The following DUSP16 variants were observed in gnomAD, a reference collection of about 807,000 sequenced individuals.
The protein encoded by DUSP16 is dual specificity phosphatase 16.
DUSP16 carries 21 observed loss-of-function variants against 58.3 expected under a neutral mutation model. The observed-to-expected ratio is 0.36, with a 90% confidence interval of 0.26 to 0.52. The LOEUF (loss-of-function observed/expected upper bound fraction) is 0.52, where lower values mean the gene tolerates loss of function less well. Among genes scored for constraint, DUSP16 ranks in the 20% least tolerant of loss-of-function variants. DUSP16 has a pLI of 0.94. For missense variants in DUSP16, 726 were observed against 819.0 expected (o/e 0.89, Z 1.39); for synonymous variants, 320 against 323.8 (o/e 0.99, Z 0.12).
chr12:12,533,151 G>A (rs982428894), intron 1 of DUSP16, among the ~76,000 whole-genome samples: 1 of 152,056 alleles, frequency 6.6e-6, no homozygotes, highest in South Asian at 2.1e-4. Flanking sequence ...GTCAGTTAGG[G>A]TATGACTCTT....
At chr12:12,522,029 A>G (rs560030649) in intron 1 of DUSP16, among the ~76,000 whole-genome samples, 3 of 152,338 alleles carry the variant, frequency 2.0e-5, no homozygotes, top group African/African-American at 7.2e-5. Flanking sequence ...AATTGCCCTC[A>G]CGGAGGAGAG....
chr12:12,541,710 TA>T (rs1422762671), intron 1 of DUSP16, among the ~76,000 whole-genome samples: 7 of 152,160 alleles, frequency 4.6e-5, no homozygotes, highest in Non-Finnish European at 1.0e-4. Flanking sequence ...TAGAGAGAAA[TA>T]ACTGTGAAAA....
chr12:12,476,746 G>GTACA lies in DUSP16; in HGVS notation c.*83_*86dup. On this transcript the variant is annotated 3_prime_UTR_variant, in exon 7 of 7. Transcript: ENST00000298573. ...CCATTTTCCAAAAATATATATGTAT[G>GTACA]TACATATATATATTTCAGATTTACA... 3 of 1,248,100 alleles carry GTACA rather than the reference G, an allele frequency of 2.4e-6. No individual in the cohort carries two copies. The highest frequency in any genetic ancestry group is 1.5e-5 in the African/African-American group (1 of 66,082). 77.3% of individuals were successfully genotyped at this position (1,248,100 alleles called of 1,614,324 possible).
At chr12:12,546,333 G>A (rs1592209215) in intron 1 of DUSP16, among the ~76,000 whole-genome samples, 1 of 152,252 alleles carries the variant, frequency 6.6e-6, no homozygotes, top group Middle Eastern at 3.4e-3. Context: ...GTGATAAGTA[G>A]CCCCAAAGGG....
At chr12:12,554,347 C>T (rs1410185659) in intron 1 of DUSP16, among the ~76,000 whole-genome samples, 6 of 152,038 alleles carry the variant, frequency 3.9e-5, no homozygotes, top group South Asian at 2.1e-4. Context: ...TGACCTCAAG[C>T]GATCCTCCCA....
intron 5 of DUSP16, among the ~76,000 whole-genome samples, chr12:12,483,715 G>T (rs1263560817): frequency 6.6e-6 from 1 of 152,034 alleles, no homozygotes; most frequent in Non-Finnish European, 1.5e-5. Flanking sequence ...GGGTTTGGGG[G>T]CACCTCATGA....
intron 3 of DUSP16, among the ~76,000 whole-genome samples, chr12:12,510,614 G>C (rs1944063345): frequency 6.6e-6 from 1 of 152,206 alleles, no homozygotes; most frequent in Non-Finnish European, 1.5e-5. Context: ...CTATGAGTTT[G>C]ACATAGCGCT....
intron 6 of DUSP16, 130 bp from the exon 7 acceptor site, chr12:12,478,145 A>G (rs1237589598): frequency 1.2e-5 from 10 of 847,266 alleles, no homozygotes; most frequent in East Asian, 2.5e-5. Context: ...TTGGTTTACA[A>G]GTTCGGGGAG....
intron 1 of DUSP16, among the ~76,000 whole-genome samples, chr12:12,534,707 T>A (rs531408103): frequency 2.0e-5 from 3 of 152,330 alleles, no homozygotes; most frequent in African/African-American, 7.2e-5. Context: ...CTTGATGTAC[T>A]GCTATTATAA....
chr12:12,552,563 C>T (rs1257128324), intron 1 of DUSP16, among the ~76,000 whole-genome samples: 1 of 152,132 alleles, frequency 6.6e-6, no homozygotes, highest in East Asian at 1.9e-4. Context: ...ACTATGTATC[C>T]GTGTGCAGCC....
intron 1 of DUSP16, among the ~76,000 whole-genome samples, chr12:12,532,808 C>T (rs564668862): frequency 2.6e-5 from 4 of 152,086 alleles, no homozygotes; most frequent in Admixed American, 6.5e-5. Flanking sequence ...CTTAGCTGGG[C>T]GTGGTGGTGC....
intron 1 of DUSP16, among the ~76,000 whole-genome samples, chr12:12,533,568 C>T (rs1944422672): frequency 6.6e-6 from 1 of 152,208 alleles, no homozygotes; most frequent in African/African-American, 2.4e-5. Flanking sequence ...GCAGGAGCTA[C>T]AAAAACTCTA....
intron 3 of DUSP16, among the ~76,000 whole-genome samples, chr12:12,503,592 G>C (rs1435888554): frequency 6.6e-6 from 1 of 152,020 alleles, no homozygotes; most frequent in Non-Finnish European, 1.5e-5. Context: ...GTATTCATCT[G>C]AGACAAAAAG....
Position 12,475,236 on chromosome 12 carries a change from C to T in DUSP16, c.*1597G>A, listed in dbSNP as rs985779068. On this transcript the variant is annotated 3_prime_UTR_variant, in exon 7 of 7. Transcript: ENST00000298573. ...CAATGACAACACCCGCCCAGCCCCA[C>T]CCCCAAAAAGCTGCTGTTGTGAATT... The T allele has an allele frequency of 1.3e-5, 2 of 151,558 alleles. No individual in the cohort carries two copies. Among genetic ancestry groups the T allele is most frequent in the Non-Finnish European group, 2.9e-5 (2 of 67,926 alleles). 9.4% of individuals were successfully genotyped at this position (151,558 alleles called of 1,614,324 possible). A position where few individuals can be genotyped will look rare whatever the true frequency, so the allele number is the denominator to read the frequency against.
At chr12:12,540,929 T>TTTTTC (rs200717053) in intron 1 of DUSP16, among the ~76,000 whole-genome samples, 30 of 117,876 alleles carry the variant, frequency 2.5e-4, no homozygotes, top group East Asian at 1.7e-3. Flanking sequence ...CAGTTGCTTT[T>TTTTTC]TTTTCTTTTC....
chr12:12,489,257 TGTTAG>T (rs1371613534), intron 4 of DUSP16, among the ~76,000 whole-genome samples: 1 of 152,224 alleles, frequency 6.6e-6, no homozygotes, highest in African/African-American at 2.4e-5. Context: ...CTCATGCTTC[TGTTAG>T]GTTAACAATC....
At chr12:12,479,200 C>T (rs1943515691) in intron 6 of DUSP16, among the ~76,000 whole-genome samples, 1 of 151,874 alleles carries the variant, frequency 6.6e-6, no homozygotes, top group African/African-American at 2.4e-5. Flanking sequence ...CTTCAGCGGC[C>T]CCTGCACCTC....
At position 12,562,375 on chromosome 12, in the gene DUSP16, T is replaced by C; in HGVS notation, c.-624A>G. 1 of 151,390 alleles carries C rather than the reference T, an allele frequency of 6.6e-6. No individual in the cohort carries two copies. Among genetic ancestry groups the C allele is most frequent in the East Asian group, 2.0e-4 (1 of 5,092 alleles). 9.4% of individuals were successfully genotyped at this position (151,390 alleles called of 1,614,324 possible). Reference sequence around the variant, plus strand: ...GACGCTCGCAACTTTTCTTCACTCTTTCTCTTCCACCCTCCCCCCCATCAG... The same window carrying C: ...GACGCTCGCAACTTTTCTTCACTCTCTCTCTTCCACCCTCCCCCCCATCAG... On this transcript the variant is annotated 5_prime_UTR_variant, in exon 1 of 7. Transcript: ENST00000298573.
chr12:12,535,881 G>A (rs1944455577), intron 1 of DUSP16, among the ~76,000 whole-genome samples: 1 of 152,194 alleles, frequency 6.6e-6, no homozygotes, highest in East Asian at 1.9e-4. Context: ...ATAACAAACT[G>A]TATGCAGGCT....
Sources: allele counts gnomAD v4.1 joint callset (sites outside exome capture counted in the v4.1 genomes callset), GRCh38; gene constraint gnomAD v4.1.1; transcripts MANE v1.5; gene names NCBI Gene and HGNC (gene_info 2026-07-23, HGNC 2026-07-21).